Variants in KLC2 observed in about 807,000 individuals in gnomAD.
KLC2 encodes the protein kinesin light chain 2.
A neutral mutation model predicts 75.1 loss-of-function variants in KLC2; 35 were observed. The observed-to-expected ratio is 0.47, with a 90% confidence interval of 0.36 to 0.62. KLC2 has a LOEUF of 0.62. KLC2 is among the 20% of genes least tolerant of loss of function. The probability of loss-of-function intolerance (pLI) is 0.00; values close to 1 mark genes in which losing one functional copy is unlikely to be tolerated. For synonymous variants in KLC2, 314 were observed against 336.7 expected (o/e 0.93, Z 0.74); for missense variants, 611 against 833.2 (o/e 0.73, Z 3.28).
rs1333352365 is a variant in KLC2 at position 66,267,129 on chromosome 11, G to A, written c.*173G>A. The A allele has an allele frequency of 2.0e-6, 3 of 1,532,420 alleles. No homozygotes were observed. The highest frequency in any genetic ancestry group is 2.6e-6 in the Non-Finnish European group (3 of 1,136,468). 94.9% of individuals were successfully genotyped at this position (1,532,420 alleles called of 1,614,324 possible). On this transcript the variant is annotated 3_prime_UTR_variant, in exon 16 of 16. Coordinates refer to ENST00000394067, the MANE Select transcript of KLC2 (RefSeq NM_001318734.2). ...ATCTCAGCCTGAGCCCTGGAGGCTG[G>A]GCCTGCCCACTCCAGCTCCATCCCT...
Position 66,264,915 on chromosome 11 carries a change from C to A in KLC2, c.1217-108C>A, listed in dbSNP as rs1462257977. The A allele has an allele frequency of 4.0e-6, 4 of 1,004,322 alleles. No individual in the cohort carries two copies. In the East Asian group the frequency reaches 7.2e-5, roughly 18 times the overall value. 62.2% of individuals were successfully genotyped at this position (1,004,322 alleles called of 1,614,324 possible). ...TGGGTCTTACTCTTGTTCATGCATT[C>A]AACGAAGCCCAACCGTGGTCTCCCC... On this transcript the variant is annotated intron_variant, in intron 9 of 15. Coordinates refer to ENST00000394067, the MANE Select transcript of KLC2 (RefSeq NM_001318734.2).
At chr11:66,246,765 T>A in the KLC2 span, among the ~76,000 whole-genome samples, 1 of 152,176 alleles carries the variant, frequency 6.6e-6, no homozygotes, top group Non-Finnish European at 1.5e-5. Flanking sequence ...AAGTTTCCTT[T>A]CCACAGTTGC....
At chr11:66,247,409 G>C in the KLC2 span, among the ~76,000 whole-genome samples, 1 of 152,108 alleles carries the variant, frequency 6.6e-6, no homozygotes, top group Admixed American at 6.6e-5. Flanking sequence ...GGCCCACATG[G>C]TCTGATCTCC....
chr11:66,245,840 C>T, the KLC2 span, among the ~76,000 whole-genome samples: 34 of 152,248 alleles, frequency 2.2e-4, no homozygotes, highest in Non-Finnish European at 4.6e-4. Context: ...TGAGATCGTG[C>T]CACCGCACTC....
chr11:66,264,495 C>A, intron 9 of KLC2, 51 bp downstream of exon 9: 1 of 1,299,476 alleles, frequency 7.7e-7, no homozygotes, highest in Non-Finnish European at 1.1e-6. Context: ...CAGGCCCACT[C>A]TGCCATCAGC....
At chr11:66,259,224 C>T (rs896259952) in intron 2 of KLC2, among the ~76,000 whole-genome samples, 1 of 152,206 alleles carries the variant, frequency 6.6e-6, no homozygotes, top group Non-Finnish European at 1.5e-5. Context: ...AAGATTCCTG[C>T]CCTATTAGAG....
the KLC2 span, among the ~76,000 whole-genome samples, chr11:66,246,752 CAA>C: frequency 2.6e-5 from 4 of 152,312 alleles, no homozygotes; most frequent in Admixed American, 2.6e-4. Context: ...ACAATCCCAC[CAA>C]AAGTTTCCTT....
the KLC2 span, among the ~76,000 whole-genome samples, chr11:66,249,871 C>A: frequency 6.6e-6 from 1 of 152,194 alleles, no homozygotes; most frequent in South Asian, 2.1e-4. Flanking sequence ...CTTGTCCATG[C>A]TGCCTCCCAA....
chr11:66,248,917 C>G, the KLC2 span, among the ~76,000 whole-genome samples: 4 of 146,726 alleles, frequency 2.7e-5, no homozygotes, highest in South Asian at 2.1e-4. Context: ...GTTTTGTTTT[C>G]TTTCGTTTTT....
In KLC2 at chr11:66,266,880, G is replaced by A. The variant is rs1856870086; in HGVS notation, c.1793G>A (p.Gly598Asp). 6.2e-7 allele frequency: 1 copy of A among 1,613,258 alleles called. No individual in the cohort carries two copies. Among genetic ancestry groups the A allele is most frequent in the Non-Finnish European group, 8.5e-7 (1 of 1,180,010 alleles). The change falls in exon 16 of 16, where the codon GGC becomes GAC. Residue 598 changes from glycine (G) to aspartate (D), a missense_variant. By Grantham distance (94) the Gly-to-Asp change is moderately conservative (BLOSUM62 -1). Transcript: ENST00000394067. ...TGCCCCCTCTGCCCACAGCCTGGAGGCACAGGTCTCTCTGACAGCCGCACT... is the reference window on the plus strand; with the variant it reads ...TGCCCCCTCTGCCCACAGCCTGGAGACACAGGTCTCTCTGACAGCCGCACT... Reference protein sequence around the residue: ...KSVEEPTQPGGTGLSDSRTLS... With the variant: ...KSVEEPTQPGDTGLSDSRTLS...
At chr11:66,247,948 G>T in the KLC2 span, among the ~76,000 whole-genome samples, 1 of 152,144 alleles carries the variant, frequency 6.6e-6, no homozygotes, top group Non-Finnish European at 1.5e-5. Context: ...CAAAGAAGAG[G>T]AAATCAGCTG....
the KLC2 span, among the ~76,000 whole-genome samples, chr11:66,249,515 C>T: frequency 6.6e-6 from 1 of 152,222 alleles, no homozygotes; most frequent in Non-Finnish European, 1.5e-5. Context: ...TCACCGTCAC[C>T]TACAGGGCAT....
Position 66,258,732 on chromosome 11 carries a change from G to A in KLC2, c.138G>A (p.Glu46=), listed in dbSNP as rs755066204. Residue 46 remains glutamate (E), a synonymous_variant, in exon 2 of 16, where the codon GAG becomes GAA. Transcript: ENST00000394067. Reference sequence around the variant, plus strand: ...TGCTGGCTCCTCTGGTTGCACCTGAGGCCGGCGAAGCCGAGCCTGGCTCGC... The same window carrying A: ...TGCTGGCTCCTCTGGTTGCACCTGAAGCCGGCGAAGCCGAGCCTGGCTCGC... The part of the protein sequence containing the change: ...RALLAPLVAP[E]AGEAEPGSQE... The A allele has an allele frequency of 6.2e-7, 1 of 1,613,410 alleles. No homozygotes were observed. The highest frequency in any genetic ancestry group is 2.2e-5 in the East Asian group (1 of 44,884).
intron 9 of KLC2, 171 bp from the exon 10 acceptor site, chr11:66,264,852 T>A: frequency 3.2e-6 from 2 of 627,336 alleles, no homozygotes; most frequent in Non-Finnish European, 5.7e-6. Flanking sequence ...AAGGGTCTGT[T>A]CTGCTCATCT....
chr11:66,262,378 C>T, intron 4 of KLC2, 186 bp downstream of exon 4: 2 of 608,716 alleles, frequency 3.3e-6, no homozygotes, highest in South Asian at 1.9e-5. Context: ...GGTGAGCAGA[C>T]ATCACAATTA....
At chr11:66,257,926 G>A (rs2134787895) in intron 1 of KLC2, 55 bp downstream of exon 1, 1 of 152,654 alleles carries the variant, frequency 6.6e-6, no homozygotes, top group South Asian at 2.1e-4. Flanking sequence ...AGCGGGGGAG[G>A]AGACTCCGGG....
At chr11:66,245,855 C>T in the KLC2 span, among the ~76,000 whole-genome samples, 1 of 152,244 alleles carries the variant, frequency 6.6e-6, no homozygotes, top group African/African-American at 2.4e-5. Context: ...GCACTCCAGC[C>T]TGGACGACAG....
Position 66,265,943 on chromosome 11 carries a change from G to C in KLC2, c.1533G>C (p.Met511Ile). Residue 511 changes from methionine (M) to isoleucine (I), a missense_variant, in exon 13 of 16, where the codon ATG becomes ATC. Coordinates refer to ENST00000394067, the MANE Select transcript of KLC2 (RefSeq NM_001318734.2). ...GAGACCGCCGCAGCAGCCGAGACAT[G>C]GCTGGGGGTGCCGGGCCTCGGTCTG... Reference protein sequence around the residue: ...RRGDRRSSRDMAGGAGPRSES... With the variant: ...RRGDRRSSRDIAGGAGPRSES... 3.1e-6 allele frequency: 5 copies of C among 1,599,514 alleles called. No individual in the cohort carries two copies. Among genetic ancestry groups the C allele is most frequent in the Non-Finnish European group, 4.3e-6 (5 of 1,170,484 alleles).
chr11:66,263,701 A>C lies in KLC2; in HGVS notation c.794A>C (p.Asp265Ala). ...AAGGAGGCTGCCCACCTGCTCAATG[A>C]TGCTCTGGCCATCCGGGAGAAAACA... Reference protein sequence around the residue: ...KYKEAAHLLNDALAIREKTLG... With the variant: ...KYKEAAHLLNAALAIREKTLG... Residue 265 changes from aspartate to alanine, a missense_variant, in exon 6 of 16, where the codon GAT becomes GCT. Transcript: ENST00000394067. 1.2e-6 allele frequency: 2 copies of C among 1,613,942 alleles called. No homozygotes were observed. The highest frequency in any genetic ancestry group is 1.7e-6 in the Non-Finnish European group (2 of 1,179,898).
Sources: gnomAD v4.1 joint callset for allele counts (sites outside exome capture counted in the v4.1 genomes callset) on GRCh38, gnomAD v4.1.1 for gene constraint, MANE v1.5 for transcripts, NCBI Gene and HGNC (gene_info 2026-07-23, HGNC 2026-07-21) for gene names.